Variants in GABRB1 observed in about 807,000 individuals in gnomAD.
The protein encoded by GABRB1 is gamma-aminobutyric acid receptor subunit beta-1.
A neutral mutation model predicts 51.6 loss-of-function variants in GABRB1; 17 were observed. The ratio of observed to expected loss-of-function variants is 0.33; its 90% CI spans 0.23 to 0.49. GABRB1 has a LOEUF of 0.49. Ranked by LOEUF, GABRB1 falls within the 20% of genes least tolerant of loss-of-function variation. The probability of loss-of-function intolerance (pLI) is 0.99; values close to 1 mark genes in which losing one functional copy is unlikely to be tolerated. For synonymous variants in GABRB1, 247 were observed against 218.9 expected (o/e 1.13, Z -1.14); for missense variants, 410 against 600.6 (o/e 0.68, Z 3.32).
intron 3 of GABRB1, among the ~76,000 whole-genome samples, chr4:47,089,659 A>G (rs1051221238): frequency 1.3e-5 from 2 of 152,234 alleles, no homozygotes; most frequent in Non-Finnish European, 1.5e-5. Context: ...AAATATTCAG[A>G]TTCAAATATT....
chr4:47,113,352 C>T (rs1715318242), intron 3 of GABRB1, among the ~76,000 whole-genome samples: 2 of 145,074 alleles, frequency 1.4e-5, no homozygotes, highest in South Asian at 2.2e-4. Flanking sequence ...TGCCACTGCA[C>T]TCCAGCCTGG....
intron 4 of GABRB1, among the ~76,000 whole-genome samples, chr4:47,223,717 C>T (rs1451448377): frequency 6.6e-6 from 1 of 151,870 alleles, no homozygotes; most frequent in Non-Finnish European, 1.5e-5. Context: ...GGTTCTAGAC[C>T]CACAAGATGA....
At chr4:47,423,567 G>A (rs893950800) in intron 8 of GABRB1, among the ~76,000 whole-genome samples, 1 of 152,196 alleles carries the variant, frequency 6.6e-6, no homozygotes, top group Non-Finnish European at 1.5e-5. Flanking sequence ...CTCTCACACA[G>A]TAAGCACTCA....
intron 3 of GABRB1, among the ~76,000 whole-genome samples, chr4:47,083,156 T>A (rs578261273): frequency 6.6e-6 from 1 of 152,188 alleles, no homozygotes; most frequent in African/African-American, 2.4e-5. Context: ...AAACACAACA[T>A]TGGATAAATT....
chr4:47,042,441 A>ATATATATATAT (rs369535271), intron 3 of GABRB1, among the ~76,000 whole-genome samples: 5 of 117,280 alleles, frequency 4.3e-5, no homozygotes, highest in African/African-American at 6.2e-5. Flanking sequence ...TATATATATA[A>ATATATATATAT]AATACGTGTG....
chr4:47,386,041 A>T (rs1727784141), intron 5 of GABRB1, among the ~76,000 whole-genome samples: 1 of 152,226 alleles, frequency 6.6e-6, no homozygotes, highest in South Asian at 2.1e-4. Flanking sequence ...GTCTTTGAAC[A>T]TTAGTGGGTT....
At chr4:47,230,798 G>A (rs984956533) in intron 4 of GABRB1, among the ~76,000 whole-genome samples, 1 of 152,108 alleles carries the variant, frequency 6.6e-6, no homozygotes, top group Admixed American at 6.6e-5. Flanking sequence ...AACCCATCTT[G>A]AGGATTTGGG....
At chr4:47,341,948 A>G (rs963362780) in intron 5 of GABRB1, among the ~76,000 whole-genome samples, 1 of 152,204 alleles carries the variant, frequency 6.6e-6, no homozygotes, top group Non-Finnish European at 1.5e-5. Context: ...AGAACCAGAG[A>G]GGACACTGAA....
chr4:47,315,459 G>A (rs189568653), intron 4 of GABRB1, among the ~76,000 whole-genome samples: 13 of 152,092 alleles, frequency 8.5e-5, no homozygotes, highest in African/African-American at 2.9e-4. Context: ...AGCCATTGTG[G>A]AAAGCAGTTT....
intron 3 of GABRB1, among the ~76,000 whole-genome samples, chr4:47,071,501 G>A (rs1462266831): frequency 6.6e-6 from 1 of 151,984 alleles, no homozygotes; most frequent in Non-Finnish European, 1.5e-5. Context: ...CCCTTCACAA[G>A]GTATAAAATG....
intron 1 of GABRB1, among the ~76,000 whole-genome samples, chr4:47,004,702 C>A (rs1185885550): frequency 4.0e-5 from 6 of 151,776 alleles, no homozygotes; most frequent in Non-Finnish European, 8.8e-5. Flanking sequence ...AACAGACAAG[C>A]AAACAAACAA....
chr4:47,387,885 A>AG, intron 5 of GABRB1, among the ~76,000 whole-genome samples: 2 of 152,198 alleles, frequency 1.3e-5, no homozygotes, highest in African/African-American at 4.8e-5. Context: ...AAAGTCAGGA[A>AG]GGGCCACAAT....
intron 5 of GABRB1, among the ~76,000 whole-genome samples, chr4:47,326,473 A>C (rs922725889): frequency 1.3e-5 from 2 of 152,184 alleles, no homozygotes; most frequent in African/African-American, 2.4e-5. Context: ...AATTATTGTT[A>C]ATCTCATACT....
chr4:47,295,771 C>T (rs1413516135), intron 4 of GABRB1, among the ~76,000 whole-genome samples: 1 of 152,164 alleles, frequency 6.6e-6, no homozygotes, highest in East Asian at 1.9e-4. Flanking sequence ...CACAAAGATA[C>T]TCCTCGAGAA....
At chr4:47,293,173 C>T (rs1039771565) in intron 4 of GABRB1, among the ~76,000 whole-genome samples, 6 of 151,956 alleles carry the variant, frequency 3.9e-5, no homozygotes, top group African/African-American at 1.5e-4. Flanking sequence ...TGGAGTTTTG[C>T]TCTTGTCGCC....
chr4:47,033,551 A>G (rs544248053), intron 3 of GABRB1, among the ~76,000 whole-genome samples: 1 of 152,332 alleles, frequency 6.6e-6, no homozygotes, highest in East Asian at 1.9e-4. Context: ...TGAATAATTT[A>G]AAGAGTAAAA....
chr4:46,994,204 T>C (rs894419804), intron 1 of GABRB1: 5 of 152,100 alleles, frequency 3.3e-5, no homozygotes, highest in Admixed American at 2.6e-4. Flanking sequence ...CTAGTCCCAG[T>C]ATTTGCTAAG....
At chr4:47,338,890 TG>T (rs1255115513) in intron 5 of GABRB1, among the ~76,000 whole-genome samples, 1 of 152,152 alleles carries the variant, frequency 6.6e-6, no homozygotes, top group Non-Finnish European at 1.5e-5. Context: ...AAATGGGAGT[TG>T]GGGGCAGATG....
intron 3 of GABRB1, among the ~76,000 whole-genome samples, chr4:47,058,995 CTAAT>C (rs1478739174): frequency 1.3e-5 from 2 of 152,138 alleles, no homozygotes; most frequent in African/African-American, 2.4e-5. Context: ...AGTTGATTAA[CTAAT>C]TAACTGATAG....
Sources: gnomAD v4.1 joint callset for allele counts (sites outside exome capture counted in the v4.1 genomes callset) on GRCh38, gnomAD v4.1.1 for gene constraint, MANE v1.5 for transcripts, NCBI Gene and HGNC (gene_info 2026-07-23, HGNC 2026-07-21) for gene names.